The following ESYT3 variants were observed in gnomAD, a reference collection of about 807,000 sequenced individuals.
ESYT3 encodes extended synaptotagmin-3.
ESYT3 carries 101 observed loss-of-function variants against 111.5 expected under a neutral mutation model. The ratio of observed to expected loss-of-function variants is 0.91; its 90% confidence interval spans 0.77 to 1.07. The LOEUF is 1.07. Ranked by LOEUF, ESYT3 falls within the 50% of genes least tolerant of loss-of-function variation. The pLI is 0.00. For missense variants in ESYT3, 1,097 were observed against 1,109.4 expected (o/e 0.99, Z 0.16); for synonymous variants, 416 against 446.8 (o/e 0.93, Z 0.87).
chr3:138,481,249 ATAAAC>A (rs1313476787), downstream of ESYT3: 6 of 152,358 alleles, frequency 3.9e-5, no homozygotes, highest in African/African-American at 7.2e-5. Flanking sequence ...GTTCATAAAA[ATAAAC>A]TATAGGCTGG....
At chr3:138,436,765 G>A (rs1238936449) in intron 1 of ESYT3, among the ~76,000 whole-genome samples, 8 of 152,214 alleles carry the variant, frequency 5.3e-5, no homozygotes, top group Non-Finnish European at 8.8e-5. Context: ...CAGGCCATCT[G>A]TCAGATCTCT....
At position 138,435,108 on chromosome 3, in the gene ESYT3, C is replaced by T; in HGVS notation, c.310C>T (p.Gln104Ter). 6.3e-7 allele frequency: 1 copy of T among 1,584,496 alleles called. No homozygotes were observed. Residue 104 changes from glutamine (Q) to a stop codon, truncating the protein, a stop_gained, in exon 1 of 23, where the codon CAG (glutamine) becomes TAG (stop). Coordinates refer to ENST00000389567, the MANE Select transcript of ESYT3 (RefSeq NM_031913.5). LOFTEE classifies it high-confidence loss of function. This position sits in a 1 kb window ranked among gnomAD's most constrained non-coding sequence, Gnocchi z 4.8. ...REFISRELRG[Q>*]HLPAWIHFPD... ...GTTCATCAGCCGCGAGCTGCGGGGC[C>T]AGCACCTGCCAGCCTGGGTGAGCCA... is the stretch of plus-strand genomic sequence containing the variant.
chr3:138,445,946 A>T (rs2031509592), intron 1 of ESYT3, among the ~76,000 whole-genome samples: 1 of 152,200 alleles, frequency 6.6e-6, no homozygotes, highest in Non-Finnish European at 1.5e-5. Flanking sequence ...GAGGATGGGG[A>T]GGAGAGGAAA....
chr3:138,481,030 T>C (rs1396827008), downstream of ESYT3: 2 of 152,238 alleles, frequency 1.3e-5, no homozygotes, highest in African/African-American at 2.4e-5. Flanking sequence ...TGGATATTCA[T>C]GTGAGAAAAT....
rs369447242 is a variant in ESYT3 at position 138,460,053 on chromosome 3, G to C, written c.738+19G>C. The C allele has an allele frequency of 2.5e-6, 4 of 1,610,332 alleles. No homozygotes were observed. The highest frequency in any genetic ancestry group is 3.3e-5 in the Admixed American group (2 of 59,988). On this transcript the variant is annotated intron_variant, in intron 6 of 22. Transcript: ENST00000389567. ...GAAGCCGGTGAGTCCCAAGGACTGCGGTAAGCCTGCTGCTCCCTGGGAGTA... is the reference window on the plus strand; with the variant it reads ...GAAGCCGGTGAGTCCCAAGGACTGCCGTAAGCCTGCTGCTCCCTGGGAGTA...
chr3:138,456,828 C>G (rs2032304398), intron 3 of ESYT3, among the ~76,000 whole-genome samples: 1 of 152,260 alleles, frequency 6.6e-6, no homozygotes, highest in Non-Finnish European at 1.5e-5. Flanking sequence ...GACCGTTGGT[C>G]TATGGGATGT....
intron 1 of ESYT3, among the ~76,000 whole-genome samples, chr3:138,439,446 C>A (rs1305647756): frequency 1.3e-5 from 2 of 152,202 alleles, no homozygotes; most frequent in African/African-American, 4.8e-5. Flanking sequence ...GCCTTCTGAT[C>A]TTCAGAGCCC....
intron 1 of ESYT3, among the ~76,000 whole-genome samples, chr3:138,447,832 G>A (rs1468158928): frequency 6.6e-6 from 1 of 151,784 alleles, no homozygotes; most frequent in Non-Finnish European, 1.5e-5. Context: ...CAGCCCACAA[G>A]TTAACTTATA....
Position 138,438,463 on chromosome 3 carries a change from A to G in ESYT3, c.327+3338A>G, listed in dbSNP as rs531171735. On this transcript the variant is annotated intron_variant, in intron 1 of 22. Coordinates refer to ENST00000389567, the MANE Select transcript of ESYT3 (RefSeq NM_031913.5). The stretch of plus-strand genomic sequence containing the variant: ...GGGGCACCTTTTTCTAATTTGCACC[A>G]ACTCCCTGTGAAGGAGTGGAGGCCA... 8.0e-4 allele frequency among the ~76,000 whole-genome samples: 122 copies of G among 152,232 alleles called. 1 individual carries two copies. The highest frequency in any genetic ancestry group is 2.9e-3 in the African/African-American group (120 of 41,554).
downstream of ESYT3, chr3:138,479,987 A>G (rs747117649): frequency 5.9e-5 from 9 of 152,210 alleles, no homozygotes; most frequent in Admixed American, 3.3e-4. Context: ...CTAAGTATGT[A>G]TTCAAAATTG....
At chr3:138,442,759 T>C (rs965574384) in intron 1 of ESYT3, among the ~76,000 whole-genome samples, 1 of 152,226 alleles carries the variant, frequency 6.6e-6, no homozygotes, top group African/African-American at 2.4e-5. Flanking sequence ...AAGGACTCAA[T>C]AGAAATCTGC....
In ESYT3 at chr3:138,479,658, C is replaced by G. The variant is rs1001146897; in HGVS notation, c.*2804C>G. The G allele has an allele frequency of 1.3e-5, 2 of 152,194 alleles. No homozygotes were observed. The allele number at this position is 152,194 out of a possible 1,614,324, so 9.4% of individuals were successfully genotyped here. A position where few individuals can be genotyped will look rare whatever the true frequency, so the allele number is the denominator to read the frequency against. ...TCACCTAAGTACCCCCACAGTTTAC[C>G]CTTGGCTCATGGCCTTCATGTTTTA... is the stretch of plus-strand genomic sequence containing the variant. On this transcript the variant is annotated 3_prime_UTR_variant, in exon 23 of 23. Coordinates refer to ENST00000389567, the MANE Select transcript of ESYT3 (RefSeq NM_031913.5).
chr3:138,449,872 A>G (rs2031811121), intron 1 of ESYT3, among the ~76,000 whole-genome samples: 1 of 152,244 alleles, frequency 6.6e-6, no homozygotes, highest in Non-Finnish European at 1.5e-5. Context: ...ATATTTATTA[A>G]GACCTTCATA....
intron 1 of ESYT3, among the ~76,000 whole-genome samples, chr3:138,437,505 G>A (rs2030806861): frequency 6.6e-6 from 1 of 152,198 alleles, no homozygotes; most frequent in Non-Finnish European, 1.5e-5. Context: ...GTGTGACATA[G>A]CCACTGCATG....
At chr3:138,473,476 G>A in intron 18 of ESYT3, 60 bp from the exon 19 acceptor site, 3 of 1,425,140 alleles carry the variant, frequency 2.1e-6, no homozygotes, top group Non-Finnish European at 3.0e-6. Context: ...GTCTTTGGGG[G>A]TGGCGGAAGA....
intron 2 of ESYT3, 152 bp from the exon 3 acceptor site, chr3:138,455,042 G>A (rs1278451456): frequency 2.6e-6 from 2 of 779,312 alleles, no homozygotes; most frequent in Non-Finnish European, 4.2e-6. Context: ...CAGGTGAGCA[G>A]ATGGGTGGGC....
At chr3:138,453,835 A>C (rs2108607118) in intron 2 of ESYT3, among the ~76,000 whole-genome samples, 1 of 152,212 alleles carries the variant, frequency 6.6e-6, no homozygotes, top group Admixed American at 6.5e-5. Flanking sequence ...AGAGGCTGAG[A>C]ATGTTCTCTG....
At chr3:138,444,216 G>A (rs372546246) in intron 1 of ESYT3, among the ~76,000 whole-genome samples, 22 of 152,156 alleles carry the variant, frequency 1.4e-4, no homozygotes, top group Non-Finnish European at 2.1e-4. Context: ...CCTGGAATGC[G>A]TCGGCTCAAG....
chr3:138,459,131 C>G, intron 4 of ESYT3, 56 bp from the exon 5 acceptor site: 4 of 1,407,252 alleles, frequency 2.8e-6, no homozygotes, highest in Non-Finnish European at 3.8e-6. Context: ...CCCAACCTTT[C>G]TGAGCAAGTG....
Sources: allele counts gnomAD v4.1 joint callset (sites outside exome capture counted in the v4.1 genomes callset), GRCh38; gene constraint gnomAD v4.1.1; non-coding constraint Gnocchi (gnomAD v3.1); transcripts MANE v1.5; gene names NCBI Gene and HGNC (gene_info 2026-07-23, HGNC 2026-07-21).